PLSCR4: variants seen among roughly 807,000 people sequenced by gnomAD.
PLSCR4 encodes phospholipid scramblase 4, also known as Ca(2+)-dependent phospholipid scramblase 4.
In PLSCR4, 25 loss-of-function variants were observed where a neutral mutation model predicts 36.3. That is an observed-to-expected ratio of 0.69 (90% CI 0.50 to 0.96). The LOEUF is 0.96. PLSCR4 is among the 40% of genes least tolerant of loss of function. The probability of loss-of-function intolerance (pLI) is 0.00; values close to 1 mark genes in which losing one functional copy is unlikely to be tolerated. For missense variants in PLSCR4, 408 were observed against 414.7 expected (o/e 0.98, Z 0.14); for synonymous variants, 122 against 132.9 (o/e 0.92, Z 0.56).
At chr3:146,232,896 T>C (rs2035773689) in intron 1 of PLSCR4, among the ~76,000 whole-genome samples, 1 of 152,148 alleles carries the variant, frequency 6.6e-6, no homozygotes, top group African/African-American at 2.4e-5. Flanking sequence ...TGCAAACTTA[T>C]ACTACATCCT....
At chr3:146,245,097 T>C (rs1392380783) in intron 1 of PLSCR4, among the ~76,000 whole-genome samples, 1 of 152,056 alleles carries the variant, frequency 6.6e-6, no homozygotes, top group Non-Finnish European at 1.5e-5. Context: ...GCAAGAGAAC[T>C]AAGAGTTAGA....
intron 1 of PLSCR4, among the ~76,000 whole-genome samples, chr3:146,233,171 TTATTTCA>T (rs2035787509): frequency 6.6e-6 from 1 of 152,134 alleles, no homozygotes; most frequent in Non-Finnish European, 1.5e-5. Context: ...TTTATCTATA[TTATTTCA>T]TTGTTCTGCT....
At chr3:146,210,208 T>C (rs538352340) in intron 3 of PLSCR4, among the ~76,000 whole-genome samples, 1 of 152,242 alleles carries the variant, frequency 6.6e-6, no homozygotes, top group Admixed American at 6.5e-5. Context: ...TAATTGTGCT[T>C]TTAAAATATT....
intron 3 of PLSCR4, among the ~76,000 whole-genome samples, chr3:146,219,571 C>T (rs2035048155): frequency 6.6e-6 from 1 of 152,042 alleles, no homozygotes; most frequent in South Asian, 2.1e-4. Context: ...TTTCAGAAAA[C>T]ACTGTAGGTG....
In PLSCR4 at chr3:146,194,147, A is replaced by C; in HGVS notation, c.*264T>G. ...CCTTATCTCATGTTTATAGTGTTTT[A>C]AGCTTACTTTGTATATGTTTACTGG... On this transcript the variant is annotated 3_prime_UTR_variant, in exon 9 of 9. Transcript: ENST00000354952. 1 of 383,536 alleles carries C rather than the reference A, an allele frequency of 2.6e-6. No homozygotes were observed. The allele number at this position is 383,536 out of a possible 1,614,324, so 23.8% of individuals were successfully genotyped here.
At chr3:146,214,853 A>G (rs1348606243) in intron 3 of PLSCR4, among the ~76,000 whole-genome samples, 1 of 152,004 alleles carries the variant, frequency 6.6e-6, no homozygotes, top group Non-Finnish European at 1.5e-5. Flanking sequence ...TGTTCTATCT[A>G]TTATTGTAAG....
intron 1 of PLSCR4, among the ~76,000 whole-genome samples, chr3:146,234,368 T>A (rs942821130): frequency 3.3e-5 from 5 of 152,138 alleles, no homozygotes; most frequent in East Asian, 1.9e-4. Flanking sequence ...TCACAGTTTT[T>A]AAAAAATTTT....
chr3:146,196,505 A>T, intron 7 of PLSCR4, 127 bp downstream of exon 7: 1 of 867,776 alleles, frequency 1.2e-6, no homozygotes, highest in Non-Finnish European at 1.8e-6. Context: ...TCAACTGGTT[A>T]ATTAACTCTT....
intron 1 of PLSCR4, among the ~76,000 whole-genome samples, chr3:146,240,199 T>G (rs942663468): frequency 1.3e-5 from 2 of 152,178 alleles, no homozygotes; most frequent in African/African-American, 4.8e-5. Context: ...ACATCTCAAT[T>G]GAAAAATGGC....
chr3:146,194,981 A>G, intron 8 of PLSCR4, 143 bp downstream of exon 8: 1 of 634,352 alleles, frequency 1.6e-6, no homozygotes, highest in African/African-American at 1.8e-5. Flanking sequence ...TTTCAAGTGT[A>G]AACACTTTCT....
intron 1 of PLSCR4, among the ~76,000 whole-genome samples, chr3:146,226,527 G>A (rs2035487436): frequency 6.6e-6 from 1 of 152,106 alleles, no homozygotes; most frequent in Non-Finnish European, 1.5e-5. Context: ...TTTAACAACT[G>A]CTGAATCTCA....
At chr3:146,236,552 T>C (rs2035927329) in intron 1 of PLSCR4, among the ~76,000 whole-genome samples, 1 of 152,114 alleles carries the variant, frequency 6.6e-6, no homozygotes, top group African/African-American at 2.4e-5. Context: ...TTTCTGATAA[T>C]GAGTAAGTCT....
chr3:146,203,413 C>T (rs759858962), intron 4 of PLSCR4, among the ~76,000 whole-genome samples: 13 of 151,934 alleles, frequency 8.6e-5, no homozygotes, highest in African/African-American at 2.7e-4. Flanking sequence ...GAAGTTTTCA[C>T]GTCAGGCGTT....
At chr3:146,238,663 G>C (rs1164880652) in intron 1 of PLSCR4, among the ~76,000 whole-genome samples, 1 of 152,024 alleles carries the variant, frequency 6.6e-6, no homozygotes, top group Non-Finnish European at 1.5e-5. Context: ...TAAGAAACTT[G>C]TGAAGCACTC....
At chr3:146,232,793 T>A (rs1250215489) in intron 1 of PLSCR4, among the ~76,000 whole-genome samples, 2 of 152,172 alleles carry the variant, frequency 1.3e-5, no homozygotes, top group East Asian at 3.8e-4. Flanking sequence ...TGAAGATAGT[T>A]TGACTTCCTC....
intron 3 of PLSCR4, among the ~76,000 whole-genome samples, chr3:146,212,296 ATAATTT>A (rs1482343693): frequency 6.6e-6 from 1 of 152,036 alleles, no homozygotes; most frequent in Non-Finnish European, 1.5e-5. Flanking sequence ...ATGTGGAATT[ATAATTT>A]TAATTTCTTT....
chr3:146,204,888 G>A (rs1211513430), intron 4 of PLSCR4, among the ~76,000 whole-genome samples: 2 of 152,044 alleles, frequency 1.3e-5, no homozygotes, highest in Non-Finnish European at 2.9e-5. Context: ...TCACCTGAAT[G>A]AGTTTTGCAT....
rs777354207 is a variant in PLSCR4 at position 146,194,133 on chromosome 3, G to A, written c.*278C>T. The A allele has an allele frequency of 9.2e-6, 3 of 324,538 alleles. No homozygotes were observed. The highest frequency in any genetic ancestry group is 1.7e-5 in the Non-Finnish European group (3 of 178,758). 20.1% of individuals were successfully genotyped at this position (324,538 alleles called of 1,614,324 possible). A position where few individuals can be genotyped will look rare whatever the true frequency, so the allele number is the denominator to read the frequency against. ...CTGGATTCATTTTCCCTTATCTCAT[G>A]TTTATAGTGTTTTAAGCTTACTTTG... On this transcript the variant is annotated 3_prime_UTR_variant, in exon 9 of 9. Transcript: ENST00000354952.
At chr3:146,230,927 C>T (rs761133165) in intron 1 of PLSCR4, among the ~76,000 whole-genome samples, 2 of 152,042 alleles carry the variant, frequency 1.3e-5, no homozygotes, top group Non-Finnish European at 2.9e-5. Flanking sequence ...GGCTAAATTA[C>T]GTGTCAATAG....
Sources: gnomAD v4.1 joint callset for allele counts (sites outside exome capture counted in the v4.1 genomes callset) on GRCh38, gnomAD v4.1.1 for gene constraint, MANE v1.5 for transcripts, NCBI Gene and HGNC (gene_info 2026-07-23, HGNC 2026-07-21) for gene names.